The following CSN1S1 variants were observed in gnomAD, a reference collection of about 807,000 sequenced individuals.
CSN1S1 encodes the protein casein alpha s1.
CSN1S1 carries 63 observed loss-of-function variants against 49.1 expected under a neutral mutation model. The ratio of observed to expected loss-of-function variants is 1.28; its 90% CI spans 1.05 to 1.58. CSN1S1 has a LOEUF of 1.58. Ranked by LOEUF, CSN1S1 falls within the 40% of genes most tolerant of loss-of-function variation. CSN1S1 has a pLI of 0.00. For missense variants in CSN1S1, 260 were observed against 224.7 expected, an observed-to-expected ratio of 1.16 and a Z score of -1.01; for synonymous variants, 78 against 67.1, an observed-to-expected ratio of 1.16 and a Z score of -0.79.
intron 2 of CSN1S1, 59 bp downstream of exon 2, chr4:69,932,665 T>G: frequency 7.2e-7 from 1 of 1,386,840 alleles, no homozygotes; most frequent in Non-Finnish European, 1.0e-6. Flanking sequence ...ACCTGACACT[T>G]CATCAAACAT....
In CSN1S1 at chr4:69,936,547, T is replaced by C. The variant is rs772864949; in HGVS notation, c.154-19T>C. On this transcript the variant is annotated intron_variant, in intron 6 of 15. Coordinates refer to ENST00000246891, the MANE Select transcript of CSN1S1 (RefSeq NM_001890.2). Reference sequence around the variant, plus strand: ...TTTCATGAAAACATATTTTACAAGGTACACTTTATTGATTTTAGCAGAGAA... The same window carrying C: ...TTTCATGAAAACATATTTTACAAGGCACACTTTATTGATTTTAGCAGAGAA... 6.9e-6 allele frequency: 11 copies of C among 1,604,686 alleles called. No homozygotes were observed. The highest frequency in any genetic ancestry group is 9.4e-6 in the Non-Finnish European group (11 of 1,174,580).
rs777288619 is a variant in CSN1S1 at position 69,934,195 on chromosome 4, T to G, written c.52-17T>G. ...TAGTTACTTTTTGTTTTACAATTCT[T>G]GCATTGTTTTTCACAGAAACTTCCT... is the stretch of plus-strand genomic sequence containing the variant. On this transcript the variant is annotated splice_polypyrimidine_tract_variant and intron_variant, in intron 2 of 15. Transcript: ENST00000246891. The G allele has an allele frequency of 2.1e-5, 33 of 1,599,662 alleles. No individual in the cohort carries two copies. The highest frequency in any genetic ancestry group is 1.7e-4 in the South Asian group (15 of 90,580).
At chr4:69,945,935 T>C (rs1379061000) in intron 15 of CSN1S1, among the ~76,000 whole-genome samples, 1 of 151,972 alleles carries the variant, frequency 6.6e-6, no homozygotes, top group African/African-American at 2.4e-5. Context: ...TTTTAACCTA[T>C]GTGAAAGCCT....
chr4:69,944,758 C>T (rs1723097843), intron 14 of CSN1S1, 92 bp from the exon 15 acceptor site: 1 of 1,295,264 alleles, frequency 7.7e-7, no homozygotes, highest in South Asian at 1.4e-5. Flanking sequence ...TAACAGGCAT[C>T]TTGGAAATGA....
chr4:69,934,348 G>A (rs1259203543), intron 3 of CSN1S1, 104 bp downstream of exon 3: 2 of 1,149,038 alleles, frequency 1.7e-6, no homozygotes, highest in African/African-American at 1.6e-5. Flanking sequence ...CACTTTTGCT[G>A]ACGCATCATT....
At chr4:69,937,882 C>T in intron 9 of CSN1S1, 59 bp downstream of exon 9, 1 of 1,165,100 alleles carries the variant, frequency 8.6e-7, no homozygotes, top group Non-Finnish European at 1.2e-6. Flanking sequence ...GTATATGCAG[C>T]ATGCTTCATT....
At chr4:69,939,146 G>T (rs1331867146) in intron 9 of CSN1S1, 30 bp from the exon 10 acceptor site, 2 of 1,554,536 alleles carry the variant, frequency 1.3e-6, no homozygotes, top group Non-Finnish European at 1.8e-6. Context: ...AATCCCAGGG[G>T]ATAATTAACA....
At chr4:69,935,406 C>T (rs1457844323) in intron 4 of CSN1S1, among the ~76,000 whole-genome samples, 4 of 150,936 alleles carry the variant, frequency 2.7e-5, no homozygotes, top group African/African-American at 4.9e-5. Context: ...AAAAAATAGT[C>T]GGATGTGGCG....
Position 69,934,727 on chromosome 4 carries a change from G to C in CSN1S1, c.105+17G>C, listed in dbSNP as rs367816259. 2.5e-6 allele frequency: 4 copies of C among 1,605,784 alleles called. No individual in the cohort carries two copies. The highest frequency in any genetic ancestry group is 3.4e-6 in the Non-Finnish European group (4 of 1,173,842). On this transcript the variant is annotated intron_variant, in intron 4 of 15. Coordinates refer to ENST00000246891, the MANE Select transcript of CSN1S1 (RefSeq NM_001890.2). Reference sequence around the variant, plus strand: ...AGCAGTGAGGTAAGCTCTGTTTATGGGGAGTCAGGATTCTCTCTTCCTTTT... The same window carrying C: ...AGCAGTGAGGTAAGCTCTGTTTATGCGGAGTCAGGATTCTCTCTTCCTTTT...
chr4:69,933,234 T>C (rs1381552034), intron 2 of CSN1S1, among the ~76,000 whole-genome samples: 1 of 152,014 alleles, frequency 6.6e-6, no homozygotes, highest in Admixed American at 6.6e-5. Flanking sequence ...TAGATAAGTA[T>C]GTGAACCAAA....
At chr4:69,938,321 T>A (rs1469384521) in intron 9 of CSN1S1, among the ~76,000 whole-genome samples, 3 of 151,774 alleles carry the variant, frequency 2.0e-5, no homozygotes, top group African/African-American at 7.2e-5. Context: ...TTATTGTGCT[T>A]TTTACCATTA....
intron 7 of CSN1S1, 57 bp downstream of exon 7, chr4:69,936,664 A>C: frequency 6.7e-7 from 1 of 1,495,348 alleles, no homozygotes; most frequent in South Asian, 1.3e-5. Context: ...GTAGTAGAAA[A>C]AAAGTTTTCC....
intron 2 of CSN1S1, among the ~76,000 whole-genome samples, chr4:69,933,468 T>G (rs1722672815): frequency 6.6e-6 from 1 of 151,986 alleles, no homozygotes; most frequent in South Asian, 2.1e-4. Context: ...GAATCAGGAA[T>G]TGTCAACTTC....
chr4:69,938,414 C>T (rs1722868688), intron 9 of CSN1S1, among the ~76,000 whole-genome samples: 1 of 150,396 alleles, frequency 6.6e-6, no homozygotes, highest in East Asian at 2.0e-4. Context: ...ATTACTTTTG[C>T]ACCAACTTAA....
At chr4:69,933,953 A>G (rs1173034911) in intron 2 of CSN1S1, among the ~76,000 whole-genome samples, 2 of 152,004 alleles carry the variant, frequency 1.3e-5, no homozygotes, top group Admixed American at 1.3e-4. Context: ...GATGTTTTAC[A>G]TAGTTTTCTC....
intron 1 of CSN1S1, among the ~76,000 whole-genome samples, chr4:69,932,179 T>C (rs1722629905): frequency 6.6e-6 from 1 of 151,934 alleles, no homozygotes; most frequent in African/African-American, 2.4e-5. Context: ...ATTTGTCATC[T>C]AGGAGGAAAA....
chr4:69,933,513 G>C (rs1722674778), intron 2 of CSN1S1, among the ~76,000 whole-genome samples: 1 of 151,948 alleles, frequency 6.6e-6, no homozygotes, highest in African/African-American at 2.4e-5. Flanking sequence ...TATAAACTAA[G>C]CATCAATAGA....
intron 4 of CSN1S1, among the ~76,000 whole-genome samples, chr4:69,935,378 A>C (rs1722740295): frequency 6.6e-6 from 1 of 151,884 alleles, no homozygotes; most frequent in African/African-American, 2.4e-5. Context: ...GTCTCTACAA[A>C]AAAAATTTTG....
rs1258837146 is a variant in CSN1S1, at chr4:69,945,005, G to T, written c.557+1G>T. On this transcript the variant is annotated splice_donor_variant, in intron 15 of 15. Coordinates refer to ENST00000246891, the MANE Select transcript of CSN1S1 (RefSeq NM_001890.2). LOFTEE classifies it high-confidence loss of function. ...AAAATAACGTCATGCTACAGTGGTGGTAAGTTCATTTAAATTACTACATCT... is the reference window on the plus strand; with the variant it reads ...AAAATAACGTCATGCTACAGTGGTGTTAAGTTCATTTAAATTACTACATCT... 1 of 1,612,298 alleles carries T rather than the reference G, an allele frequency of 6.2e-7. No homozygotes were observed.
Sources: gnomAD v4.1 joint callset for allele counts (sites outside exome capture counted in the v4.1 genomes callset) on GRCh38, gnomAD v4.1.1 for gene constraint, MANE v1.5 for transcripts, NCBI Gene and HGNC (gene_info 2026-07-23, HGNC 2026-07-21) for gene names.